Variants in NOX4 observed in about 807,000 individuals in gnomAD.
NOX4 encodes NADPH oxidase 4.
Under a neutral mutation model 87.6 loss-of-function variants are expected in NOX4, and 69 were observed. That is an observed-to-expected ratio of 0.79 (90% CI 0.65 to 0.96). NOX4 has a LOEUF of 0.96. Ranked by LOEUF, NOX4 falls within the 40% of genes least tolerant of loss-of-function variation. NOX4 has a pLI of 0.00. For synonymous variants in NOX4, 275 were observed against 238.2 expected, an observed-to-expected ratio of 1.15 and a Z score of -1.42; for missense variants, 680 against 681.5, an observed-to-expected ratio of 1.00 and a Z score of 0.02.
intron 11 of NOX4, among the ~76,000 whole-genome samples, chr11:89,382,676 G>T (rs1940379606): frequency 6.6e-6 from 1 of 151,772 alleles, no homozygotes; most frequent in South Asian, 2.1e-4. Context: ...GCTGAATCAG[G>T]CTCCAAATCT....
chr11:89,468,442 C>T (rs1345363923), intron 2 of NOX4, among the ~76,000 whole-genome samples: 4 of 152,226 alleles, frequency 2.6e-5, no homozygotes, highest in African/African-American at 4.8e-5. Context: ...TTGCCCAGAG[C>T]AGTGCTGAAG....
At chr11:89,417,519 C>T (rs1490429606) in intron 8 of NOX4, among the ~76,000 whole-genome samples, 5 of 152,056 alleles carry the variant, frequency 3.3e-5, no homozygotes, top group African/African-American at 7.2e-5. Flanking sequence ...ACCTTTATTG[C>T]TAAAAATCAA....
intron 17 of NOX4, among the ~76,000 whole-genome samples, chr11:89,330,378 A>C (rs1945419207): frequency 6.6e-6 from 1 of 151,984 alleles, no homozygotes; most frequent in Non-Finnish European, 1.5e-5. Flanking sequence ...TAAACATAAA[A>C]AATAAAATAG....
chr11:89,584,287 GCTCA>G, the NOX4 span, among the ~76,000 whole-genome samples: 1 of 152,082 alleles, frequency 6.6e-6, no homozygotes, highest in Non-Finnish European at 1.5e-5. Flanking sequence ...ACCGAAGGTT[GCTCA>G]CTGTGTTTCT....
upstream of NOX4, among the ~76,000 whole-genome samples, chr11:89,495,034 C>T (rs79633471): frequency 2.6e-5 from 4 of 152,178 alleles, no homozygotes; most frequent in Non-Finnish European, 5.9e-5. Flanking sequence ...CCTTGACCAC[C>T]CAAGCTCAGG....
Position 89,485,034 on chromosome 11 carries a change from A to G in NOX4, c.153+5424T>C, listed in dbSNP as rs912068141. 7.9e-5 allele frequency among the ~76,000 whole-genome samples: 12 copies of G among 152,232 alleles called. 1 individual carries two copies. The highest frequency in any genetic ancestry group is 2.4e-4 in the African/African-American group (10 of 41,564). ...AACATTGACTTAAAATCCTAGATCC[A>G]TTTGTCCAGAGACTCCAGTCTCTGA... On this transcript the variant is annotated intron_variant, in intron 2 of 17. Transcript: ENST00000263317.
intron 11 of NOX4, among the ~76,000 whole-genome samples, chr11:89,376,552 C>T (rs1420692791): frequency 6.6e-6 from 1 of 152,064 alleles, no homozygotes; most frequent in Admixed American, 6.6e-5. Flanking sequence ...TAAAAAGTTA[C>T]AGTATAATAT....
intron 11 of NOX4, among the ~76,000 whole-genome samples, chr11:89,376,553 A>C (rs1939854198): frequency 6.6e-6 from 1 of 152,190 alleles, no homozygotes; most frequent in East Asian, 1.9e-4. Context: ...AAAAAGTTAC[A>C]GTATAATATG....
chr11:89,506,576 T>TTGA, the NOX4 span, among the ~76,000 whole-genome samples: 1 of 151,566 alleles, frequency 6.6e-6, no homozygotes, highest in Non-Finnish European at 1.5e-5. Flanking sequence ...AAAGGAAAAA[T>TTGA]TGATGTTAGA....
At chr11:89,355,891 T>C (rs901329015) in intron 12 of NOX4, among the ~76,000 whole-genome samples, 2 of 152,102 alleles carry the variant, frequency 1.3e-5, no homozygotes, top group Admixed American at 6.6e-5. Context: ...ACAACATAAA[T>C]GGAAGCAGCT....
At chr11:89,520,003 T>C in the NOX4 span, among the ~76,000 whole-genome samples, 1 of 152,058 alleles carries the variant, frequency 6.6e-6, no homozygotes, top group Non-Finnish European at 1.5e-5. Flanking sequence ...TCTATGTTCA[T>C]TACTTGGACC....
chr11:89,525,724 TA>T, the NOX4 span, among the ~76,000 whole-genome samples: 1 of 152,126 alleles, frequency 6.6e-6, no homozygotes, highest in African/African-American at 2.4e-5. Context: ...TTAATTGTTT[TA>T]AAAGTTAAAT....
At chr11:89,519,731 T>C in the NOX4 span, among the ~76,000 whole-genome samples, 1 of 152,008 alleles carries the variant, frequency 6.6e-6, no homozygotes, top group Non-Finnish European at 1.5e-5. Flanking sequence ...CTAACATATA[T>C]AAGCAGTACA....
chr11:89,491,726 GTA>G (rs1491175797), upstream of NOX4, among the ~76,000 whole-genome samples: 1 of 72,626 alleles, frequency 1.4e-5, no homozygotes, highest in East Asian at 3.4e-4. Flanking sequence ...CCGCCCCCTT[GTA>G]CACACACACA....
chr11:89,452,695 G>A (rs967700209), intron 2 of NOX4, among the ~76,000 whole-genome samples: 1 of 151,804 alleles, frequency 6.6e-6, no homozygotes, highest in Non-Finnish European at 1.5e-5. Flanking sequence ...ATTTCTTTGT[G>A]GTAAATATAT....
At position 89,435,789 on chromosome 11, in the gene NOX4, G is replaced by A. The variant is rs147727337; in HGVS notation, c.476-2933C>T. ...CCTTACACAAAACTCCAATCTCACT[G>A]AATCTCATCTGCAAACTAAGGAGAA... On this transcript the variant is annotated intron_variant, in intron 6 of 17. Coordinates refer to ENST00000263317, the MANE Select transcript of NOX4 (RefSeq NM_016931.5). Among the ~76,000 whole-genome samples, 13 of 152,176 alleles carry A rather than the reference G, an allele frequency of 8.5e-5. No homozygotes were observed. In the East Asian group the frequency reaches 2.5e-3, roughly 29 times the overall value.
At chr11:89,547,408 G>A in the NOX4 span, among the ~76,000 whole-genome samples, 10 of 152,122 alleles carry the variant, frequency 6.6e-5, no homozygotes, top group African/African-American at 2.4e-4. Context: ...TGAAGCTTGA[G>A]TAGGAAAGAG....
chr11:89,337,800 G>A (rs754513371), intron 15 of NOX4, among the ~76,000 whole-genome samples: 1 of 151,964 alleles, frequency 6.6e-6, no homozygotes, highest in Non-Finnish European at 1.5e-5. Flanking sequence ...GCTGAATGCT[G>A]TACAAATATT....
chr11:89,515,084 GC>G, the NOX4 span, among the ~76,000 whole-genome samples: 2 of 151,964 alleles, frequency 1.3e-5, no homozygotes, highest in African/African-American at 4.8e-5. Context: ...GCATGTGCAA[GC>G]CTTTGTGTGA....
Sources: gnomAD v4.1 joint callset for allele counts (sites outside exome capture counted in the v4.1 genomes callset) on GRCh38, gnomAD v4.1.1 for gene constraint, MANE v1.5 for transcripts, NCBI Gene and HGNC (gene_info 2026-07-23, HGNC 2026-07-21) for gene names.